Variants in CMKLR2 observed in about 807,000 individuals in gnomAD.
CMKLR2 encodes chemerin-like receptor 2.
Under a neutral mutation model 23.0 loss-of-function variants are expected in CMKLR2, and 18 were observed. The ratio of observed to expected loss-of-function variants is 0.78; its 90% CI spans 0.54 to 1.16. The LOEUF (loss-of-function observed/expected upper bound fraction) is 1.16, where lower values mean the gene tolerates loss of function less well. Among genes scored for constraint, CMKLR2 ranks in the 50% most tolerant of loss-of-function variants. CMKLR2 has a pLI of 0.00. For missense variants in CMKLR2, 401 were observed against 412.7 expected (o/e 0.97, Z 0.25); for synonymous variants, 158 against 158.9 (o/e 0.99, Z 0.05).
At chr2:206,182,642 G>C (rs1216234164) in intron 1 of CMKLR2, among the ~76,000 whole-genome samples, 1 of 150,728 alleles carries the variant, frequency 6.6e-6, no homozygotes, top group African/African-American at 2.4e-5. Context: ...TTTTTTTTTG[G>C]ATGGAGTCTC....
chr2:206,182,377 C>A (rs1053015404), intron 1 of CMKLR2, among the ~76,000 whole-genome samples: 1 of 152,100 alleles, frequency 6.6e-6, no homozygotes, highest in South Asian at 2.1e-4. Context: ...ACACTTAACA[C>A]GTTATGTTGT....
chr2:206,179,446 G>A (rs541211006), intron 1 of CMKLR2, among the ~76,000 whole-genome samples: 5 of 126,300 alleles, frequency 4.0e-5, no homozygotes, highest in Admixed American at 9.5e-5. Context: ...GCGCCATCTC[G>A]GCTCATTGCA....
rs1211975837 is a variant in CMKLR2, at chr2:206,177,238, A to G, written c.10T>C (p.Leu4=). Residue 4 remains leucine, a synonymous_variant, in exon 2 of 2, where the codon TTG becomes CTG. Transcript: ENST00000621141. ...AATTCTTCAAATAATGTTTCCTCCA[A>G]ATCTTCCATGACCTTGCTAAATGGA... MED[L]EETLFEEFEN... is the part of the protein sequence containing the mutation. The G allele has an allele frequency of 6.3e-7, 1 of 1,593,562 alleles. No individual in the cohort carries two copies. The highest frequency in any genetic ancestry group is 8.6e-7 in the Non-Finnish European group (1 of 1,165,586).
At chr2:206,177,347 C>T (rs375311049) in intron 1 of CMKLR2, 72 bp from the exon 2 acceptor site, 15 of 690,716 alleles carry the variant, frequency 2.2e-5, no homozygotes, top group South Asian at 4.2e-5. Flanking sequence ...TGATAAGGAA[C>T]GTGAAGATAA....
intron 1 of CMKLR2, among the ~76,000 whole-genome samples, chr2:206,207,762 G>T (rs1434832232): frequency 2.3e-4 from 4 of 17,478 alleles, no homozygotes; most frequent in African/African-American, 3.5e-4. Context: ...TTTTTTTTGA[G>T]ATGGAGTTTT....
At chr2:206,186,565 A>C (rs994216758) in intron 1 of CMKLR2, among the ~76,000 whole-genome samples, 5 of 152,092 alleles carry the variant, frequency 3.3e-5, no homozygotes, top group African/African-American at 1.2e-4. Context: ...ATTTCTCACA[A>C]TGGTTATGGC....
In CMKLR2 at chr2:206,176,950, T is replaced by G. The variant is rs753268123; in HGVS notation, c.298A>C (p.Asn100His). ...CAGATGCCAAAGGGCCAGTGGAAAT[T>G]CATGGCCACATAGGAGATGTACAGG... ...LPLYISYVAM[N>H]FHWPFGIWLC... The change falls in exon 2 of 2, where the codon AAT becomes CAT. Residue 100 changes from asparagine to histidine, a missense_variant. Coordinates refer to ENST00000621141, the MANE Select transcript of CMKLR2 (RefSeq NM_001389445.1). 6.2e-7 allele frequency: 1 copy of G among 1,614,194 alleles called. No individual in the cohort carries two copies. The highest frequency in any genetic ancestry group is 8.5e-7 in the Non-Finnish European group (1 of 1,180,046).
chr2:206,178,417 A>T (rs1281470735), intron 1 of CMKLR2, among the ~76,000 whole-genome samples: 1 of 152,234 alleles, frequency 6.6e-6, no homozygotes, highest in East Asian at 1.9e-4. Flanking sequence ...TTTTGAGTCC[A>T]TGTTTATGAA....
intron 1 of CMKLR2, among the ~76,000 whole-genome samples, chr2:206,179,041 C>G (rs534718298): frequency 7.9e-6 from 1 of 126,530 alleles, no homozygotes; most frequent in South Asian, 2.6e-4. Context: ...TTATTTTGTG[C>G]CCGCTCCCTG....
At chr2:206,182,257 A>T (rs1470265792) in intron 1 of CMKLR2, among the ~76,000 whole-genome samples, 1 of 152,192 alleles carries the variant, frequency 6.6e-6, no homozygotes, top group Non-Finnish European at 1.5e-5. Context: ...CTTACTCAAG[A>T]TCACACAACC....
chr2:206,187,852 G>A (rs1688629339), intron 1 of CMKLR2, among the ~76,000 whole-genome samples: 1 of 152,138 alleles, frequency 6.6e-6, no homozygotes, highest in African/African-American at 2.4e-5. Context: ...AGAAGCTGTG[G>A]TGGGCAGTAA....
At position 206,177,093 on chromosome 2, in the gene CMKLR2, C is replaced by T; in HGVS notation, c.155G>A (p.Gly52Glu). The T allele has an allele frequency of 1.9e-6, 3 of 1,614,196 alleles. No individual in the cohort carries two copies. The highest frequency in any genetic ancestry group is 1.7e-5 in the Admixed American group (1 of 60,014). The part of the protein sequence containing the change: ...LVLYCLAFVL[G>E]IPGNAIVIWF... Reference sequence around the variant, plus strand: ...AATGACGATGGCATTTCCTGGAATTCCCAGAACAAAAGCCAAACAATATAA... The same window carrying T: ...AATGACGATGGCATTTCCTGGAATTTCCAGAACAAAAGCCAAACAATATAA... Residue 52 changes from glycine to glutamate, a missense_variant, in exon 2 of 2, where the codon GGA (glycine) becomes GAA (glutamate). By Grantham distance (98) the Gly-to-Glu change is moderately conservative. Coordinates refer to ENST00000621141, the MANE Select transcript of CMKLR2 (RefSeq NM_001389445.1).
intron 1 of CMKLR2, among the ~76,000 whole-genome samples, chr2:206,201,098 C>T (rs1212647811): frequency 2.0e-5 from 3 of 152,012 alleles, no homozygotes; most frequent in African/African-American, 7.2e-5. Flanking sequence ...ATTACAGGCA[C>T]CCACCACCAC....
intron 1 of CMKLR2, among the ~76,000 whole-genome samples, chr2:206,211,896 A>G (rs921691922): frequency 4.7e-5 from 7 of 148,856 alleles, no homozygotes; most frequent in African/African-American, 1.7e-4. Flanking sequence ...CAGTGGCACA[A>G]TCATAGCTCA....
chr2:206,214,197 G>A (rs1243021799), upstream of CMKLR2, among the ~76,000 whole-genome samples: 6 of 108,884 alleles, frequency 5.5e-5, no homozygotes, highest in African/African-American at 2.1e-4. Context: ...TTTTTGAGAC[G>A]GAGTCTCGCT....
chr2:206,207,061 G>A (rs999418349), intron 1 of CMKLR2, among the ~76,000 whole-genome samples: 2 of 151,542 alleles, frequency 1.3e-5, no homozygotes, highest in African/African-American at 4.9e-5. Flanking sequence ...GCCATTTCTA[G>A]GAAAAGATGA....
intron 1 of CMKLR2, among the ~76,000 whole-genome samples, chr2:206,207,786 G>A (rs933780680): frequency 4.4e-5 from 5 of 114,870 alleles, no homozygotes; most frequent in African/African-American, 1.7e-4. Flanking sequence ...GTTGTTGCCT[G>A]GGCTAGAGTA....
At chr2:206,183,990 G>C (rs1688495061) in intron 1 of CMKLR2, among the ~76,000 whole-genome samples, 1 of 152,196 alleles carries the variant, frequency 6.6e-6, no homozygotes, top group Non-Finnish European at 1.5e-5. Flanking sequence ...CAACAGAAAT[G>C]TATTGTCTCA....
intron 1 of CMKLR2, among the ~76,000 whole-genome samples, chr2:206,200,956 A>C (rs1201240434): frequency 1.3e-5 from 2 of 151,900 alleles, no homozygotes; most frequent in Non-Finnish European, 1.5e-5. Context: ...TTTTATTTTT[A>C]CTGTTATTTT....
Sources: allele counts gnomAD v4.1 joint callset (sites outside exome capture counted in the v4.1 genomes callset), GRCh38; gene constraint gnomAD v4.1.1; transcripts MANE v1.5; gene names NCBI Gene and HGNC (gene_info 2026-07-23, HGNC 2026-07-21).